Variants in FBXO34 observed in about 807,000 individuals in gnomAD.
The protein encoded by FBXO34 is F-box only protein 34.
A neutral mutation model predicts 24.5 loss-of-function variants in FBXO34; 12 were observed. That is an observed-to-expected ratio of 0.49 (90% CI 0.31 to 0.79). The LOEUF (loss-of-function observed/expected upper bound fraction) is 0.79. Ranked by LOEUF, FBXO34 falls within the 30% of genes least tolerant of loss-of-function variation. The pLI is 0.04. For missense variants in FBXO34, 823 were observed against 857.7 expected, an observed-to-expected ratio of 0.96 and a Z score of 0.51; for synonymous variants, 320 against 311.9, an observed-to-expected ratio of 1.03 and a Z score of -0.27.
the FBXO34 span, among the ~76,000 whole-genome samples, chr14:55,434,631 T>A: frequency 5.3e-5 from 8 of 151,538 alleles, 1 homozygote; most frequent in Admixed American, 5.2e-4. Context: ...GATTGTTCAA[T>A]AATGTGATCA....
At chr14:55,314,613 A>G (rs956569689) in intron 1 of FBXO34, among the ~76,000 whole-genome samples, 3 of 152,272 alleles carry the variant, frequency 2.0e-5, no homozygotes, top group East Asian at 3.8e-4. Context: ...ACAGGTATGT[A>G]TAAAATGATA....
chr14:55,364,296 T>C (rs1446774537), downstream of FBXO34, among the ~76,000 whole-genome samples: 1 of 152,096 alleles, frequency 6.6e-6, no homozygotes, highest in Non-Finnish European at 1.5e-5. Flanking sequence ...CTCCTTTAGA[T>C]CCCTCCCACC....
the FBXO34 span, among the ~76,000 whole-genome samples, chr14:55,376,009 T>C: frequency 6.6e-6 from 1 of 152,234 alleles, no homozygotes; most frequent in Non-Finnish European, 1.5e-5. Flanking sequence ...TAATTCTCTT[T>C]GGCATCTATC....
chr14:55,346,120 C>T (rs530490109), intron 1 of FBXO34, among the ~76,000 whole-genome samples: 2 of 152,274 alleles, frequency 1.3e-5, no homozygotes, highest in South Asian at 4.1e-4. Flanking sequence ...TCTTGGCTGC[C>T]TTCAAATTGT....
the FBXO34 span, chr14:55,440,451 G>C: frequency 6.2e-7 from 1 of 1,612,998 alleles, no homozygotes; most frequent in Admixed American, 1.7e-5. Flanking sequence ...CTGCTCCATG[G>C]ACCGTAATCC....
chr14:55,401,897 T>G, the FBXO34 span, among the ~76,000 whole-genome samples: 1 of 152,332 alleles, frequency 6.6e-6, no homozygotes, highest in Non-Finnish European at 1.5e-5. Context: ...GAGAAAATTC[T>G]ATGTAACTGC....
the FBXO34 span, among the ~76,000 whole-genome samples, chr14:55,406,415 A>C: frequency 6.6e-6 from 1 of 152,198 alleles, no homozygotes; most frequent in African/African-American, 2.4e-5. Context: ...GCTTTTCATG[A>C]AGTTAAGGGG....
Position 55,351,863 on chromosome 14 carries a change from G to A in FBXO34, c.1473G>A (p.Leu491=), listed in dbSNP as rs767021133. 26 of 1,614,060 alleles carry A rather than the reference G, an allele frequency of 1.6e-5. No individual in the cohort carries two copies. In the South Asian group the frequency reaches 2.3e-4, roughly 14 times the overall value. Reference sequence around the variant, plus strand: ...TTTTTTTGCCACCTGGTCAGCACTTGTCAGACTATTCCCAGTTGAATGAAA... The same window carrying A: ...TTTTTTTGCCACCTGGTCAGCACTTATCAGACTATTCCCAGTTGAATGAAA... ...MLFFLPPGQH[L]SDYSQLNEST... Residue 491 remains leucine, a synonymous_variant, in exon 2 of 2, where the codon TTG becomes TTA. Transcript: ENST00000313833.
At chr14:55,325,301 C>A (rs1191137808) in intron 1 of FBXO34, among the ~76,000 whole-genome samples, 2 of 152,116 alleles carry the variant, frequency 1.3e-5, no homozygotes, top group Non-Finnish European at 2.9e-5. Context: ...TGCATAGGAA[C>A]CTTCTAGACT....
chr14:55,354,141 G>T (rs572835677), downstream of FBXO34, among the ~76,000 whole-genome samples: 1 of 152,332 alleles, frequency 6.6e-6, no homozygotes, highest in African/African-American at 2.4e-5. Context: ...AGGCTCATCA[G>T]ATTTGTCTGT....
chr14:55,400,673 C>T, the FBXO34 span, among the ~76,000 whole-genome samples: 6 of 152,182 alleles, frequency 3.9e-5, no homozygotes, highest in East Asian at 1.9e-4. Context: ...GAGGCCAAGG[C>T]GGGTGGATCA....
At chr14:55,346,632 A>G (rs1283994627) in intron 1 of FBXO34, among the ~76,000 whole-genome samples, 3 of 152,196 alleles carry the variant, frequency 2.0e-5, no homozygotes, top group African/African-American at 7.2e-5. Context: ...AGAACTCTGA[A>G]GAACACTGAT....
intron 1 of FBXO34, among the ~76,000 whole-genome samples, chr14:55,320,687 G>A (rs141205910): frequency 0.1 from 15,284 of 152,142 alleles, 2,119 homozygotes; most frequent in African/African-American, 0.31. Flanking sequence ...GAACCCGGGA[G>A]GTGGAGCTTG....
chr14:55,381,691 G>C, the FBXO34 span, among the ~76,000 whole-genome samples: 2 of 152,200 alleles, frequency 1.3e-5, no homozygotes, highest in Admixed American at 6.5e-5. Context: ...AAGCTGCCCA[G>C]AACAGGCAAA....
the FBXO34 span, chr14:55,381,981 C>T: frequency 6.2e-7 from 1 of 1,614,134 alleles, no homozygotes; most frequent in Non-Finnish European, 8.5e-7. Flanking sequence ...GGGTTGTTTT[C>T]TTCTCCTCCA....
At chr14:55,338,911 C>G (rs142942053) in intron 1 of FBXO34, among the ~76,000 whole-genome samples, 1 of 103,258 alleles carries the variant, frequency 9.7e-6, no homozygotes, top group Admixed American at 9.7e-5. Context: ...ATCTCAAAAA[C>G]AAAAAAAAAC....
intron 3 of FBXO34, among the ~76,000 whole-genome samples, chr14:55,360,219 C>T (rs575236118): frequency 2.8e-4 from 42 of 152,114 alleles, no homozygotes; most frequent in African/African-American, 6.0e-4. Flanking sequence ...ACTACAGGTG[C>T]GCACCACCAT....
At chr14:55,435,980 T>TTAA in the FBXO34 span, 1 of 862,962 alleles carries the variant, frequency 1.2e-6, no homozygotes, top group Middle Eastern at 3.0e-4. Context: ...ATATAAAGAG[T>TTAA]AAAAAAAAAA....
At chr14:55,384,977 C>G in the FBXO34 span, among the ~76,000 whole-genome samples, 1 of 152,218 alleles carries the variant, frequency 6.6e-6, no homozygotes, top group Non-Finnish European at 1.5e-5. Flanking sequence ...GGGGGAACCA[C>G]TGTCCTGTCT....
Sources: allele counts gnomAD v4.1 joint callset (sites outside exome capture counted in the v4.1 genomes callset), GRCh38; gene constraint gnomAD v4.1.1; transcripts MANE v1.5; gene names NCBI Gene and HGNC (gene_info 2026-07-23, HGNC 2026-07-21).